Variants in KAT6B observed in about 807,000 individuals in gnomAD.
The protein encoded by KAT6B is lysine acetyltransferase 6B, also known as histone acetyltransferase KAT6B.
Under a neutral mutation model 187.5 loss-of-function variants are expected in KAT6B, and 10 were observed. That is an observed-to-expected ratio of 0.05 (90% CI 0.03 to 0.09). KAT6B has a LOEUF of 0.09. Among genes scored for constraint, KAT6B ranks in the 10% least tolerant of loss-of-function variants. The pLI is 1.00. For synonymous variants in KAT6B, 861 were observed against 926.8 expected (o/e 0.93, Z 1.29); for missense variants, 1,952 against 2,558.9 (o/e 0.76, Z 5.12).
intron 13 of KAT6B, among the ~76,000 whole-genome samples, chr10:75,000,610 T>C (rs1312923757): frequency 6.6e-6 from 1 of 152,134 alleles, no homozygotes; most frequent in Non-Finnish European, 1.5e-5. Context: ...GCCATTAATA[T>C]TAATTAATGG....
rs949515731 is a variant in KAT6B, at chr10:74,985,096, G to A, written c.2390G>A (p.Ser797Asn). ...TTTTGCTAGGTTGATGGGAATATGA[G>A]CAAAATTTATTGCCAAAACCTTTGC... ...LSVFEVDGNMSKIYCQNLCLL... is the reference protein window; with the variant it reads ...LSVFEVDGNMNKIYCQNLCLL... Residue 797 changes from serine to asparagine, a missense_variant, in exon 12 of 18, where the codon AGC becomes AAC. This residue lies in a region of KAT6B where 87 missense variants were observed against 191.8 expected (regional missense o/e 0.45). Coordinates refer to ENST00000287239, the MANE Select transcript of KAT6B (RefSeq NM_012330.4). 11 of 1,614,042 alleles carry A rather than the reference G, an allele frequency of 6.8e-6. No homozygotes were observed. The highest frequency in any genetic ancestry group is 1.1e-5 in the South Asian group (1 of 91,080).
Position 74,921,513 on chromosome 10 carries a change from A to G in KAT6B, c.622-38457A>G, listed in dbSNP as rs182306126. Among the ~76,000 whole-genome samples the G allele has an allele frequency of 5.8e-4, 89 of 152,226 alleles. 1 individual carries two copies. The East Asian group carries it at 0.013, about 21-fold the overall frequency. On this transcript the variant is annotated intron_variant, in intron 3 of 17. Transcript: ENST00000287239. ...GGCATCTATCAAGGCATTTGTTCTA[A>G]CCACTGAGTAAGAAGGACATCACTA... is the stretch of plus-strand genomic sequence containing the variant.
chr10:75,021,288 A>G lies in KAT6B; in HGVS notation c.3021+3A>G. The G allele has an allele frequency of 6.2e-7, 1 of 1,613,834 alleles. No homozygotes were observed. On this transcript the variant is annotated splice_donor_region_variant and intron_variant, in intron 15 of 17. Coordinates refer to ENST00000287239, the MANE Select transcript of KAT6B (RefSeq NM_012330.4). ...AAGAGCGAGAAGCTGAGAAAGAGGT[A>G]ATGATTGTCTTTATCATCCTAAGTT...
At chr10:74,923,874 A>G (rs1848311538) in intron 3 of KAT6B, among the ~76,000 whole-genome samples, 1 of 152,190 alleles carries the variant, frequency 6.6e-6, no homozygotes. Context: ...TGTGTTGAGA[A>G]TAAGCTGTAG....
intron 3 of KAT6B, among the ~76,000 whole-genome samples, chr10:74,877,219 G>A (rs962640420): frequency 2.0e-5 from 3 of 152,204 alleles, no homozygotes; most frequent in East Asian, 1.9e-4. Context: ...GCCCACCTCC[G>A]TCTCCCAAAG....
chr10:74,991,290 A>G (rs896905046), intron 13 of KAT6B, among the ~76,000 whole-genome samples: 3 of 152,160 alleles, frequency 2.0e-5, no homozygotes, highest in Non-Finnish European at 4.4e-5. Flanking sequence ...TTCCAAATTG[A>G]TATATGGTTG....
At position 74,843,014 on chromosome 10, in the gene KAT6B, C is replaced by T; in HGVS notation, c.157C>T (p.Leu53Phe). 1.2e-6 allele frequency: 2 copies of T among 1,614,192 alleles called. No individual in the cohort carries two copies. The highest frequency in any genetic ancestry group is 1.7e-6 in the Non-Finnish European group (2 of 1,180,030). Reference sequence around the variant, plus strand: ...GAAGACAGTCTCTGAACAGCTGGAACTCAGTGTTCAGGATGGCTCAGTTCT... The same window carrying T: ...GAAGACAGTCTCTGAACAGCTGGAATTCAGTGTTCAGGATGGCTCAGTTCT... ...DKKTVSEQLELSVQDGSVLKV... is the reference protein window; with the variant it reads ...DKKTVSEQLEFSVQDGSVLKV... The change falls in exon 3 of 18, where the codon CTC becomes TTC. Residue 53 changes from leucine (L) to phenylalanine (F), a missense_variant. Coordinates refer to ENST00000287239, the MANE Select transcript of KAT6B (RefSeq NM_012330.4).
intron 4 of KAT6B, among the ~76,000 whole-genome samples, chr10:74,962,976 A>G (rs560452728): frequency 1.3e-5 from 2 of 152,204 alleles, no homozygotes; most frequent in South Asian, 2.1e-4. Context: ...CTCTTCCGCC[A>G]CTTGCTGGGT....
chr10:74,896,254 A>G (rs16931813), intron 3 of KAT6B, among the ~76,000 whole-genome samples: 3,547 of 152,114 alleles, frequency 0.023, 138 homozygotes, highest in African/African-American at 0.08. Context: ...CTACCATAAT[A>G]TCTAGTCCAT....
chr10:74,891,159 C>T (rs548315747), intron 3 of KAT6B, among the ~76,000 whole-genome samples: 9 of 152,336 alleles, frequency 5.9e-5, no homozygotes, highest in Admixed American at 1.3e-4. Context: ...GGAATGGCTT[C>T]TTTATTCCTG....
At chr10:75,021,396 T>A (rs1263928284) in intron 15 of KAT6B, 111 bp downstream of exon 15, 2 of 1,011,652 alleles carry the variant, frequency 2.0e-6, no homozygotes, top group East Asian at 2.5e-5. Flanking sequence ...AGAGATAGCA[T>A]GTGAAATGAT....
chr10:74,856,776 C>T (rs1397708777), intron 3 of KAT6B, among the ~76,000 whole-genome samples: 1 of 152,062 alleles, frequency 6.6e-6, no homozygotes, highest in Non-Finnish European at 1.5e-5. Context: ...TGGCATGTGC[C>T]TGTAGTCCCA....
rs200393557 is a variant in KAT6B, at chr10:75,029,334, G to A, written c.4510G>A (p.Glu1504Lys). ...GDPEAVPESD[E>K]EPPPGEQAQK... ...CCCTGAAGCTGTACCCGAATCTGAC[G>A]AGGAGCCACCCCCAGGAGAACAGGC... Residue 1504 changes from glutamate to lysine, a missense_variant, in exon 18 of 18, where the codon GAG becomes AAG. Around this residue, in one of 9 missense-constraint regions of KAT6B, gnomAD observed 758 missense variants for 891.4 expected, o/e 0.85. Transcript: ENST00000287239. This position sits in a 1 kb window ranked among gnomAD's most constrained non-coding sequence, Gnocchi z 6.2. The A allele has an allele frequency of 8.6e-5, 139 of 1,613,940 alleles. No individual in the cohort carries two copies. Among genetic ancestry groups the A allele is most frequent in the Admixed American group, 3.5e-4 (21 of 59,988 alleles).
At chr10:74,863,855 C>G (rs761261683) in intron 3 of KAT6B, among the ~76,000 whole-genome samples, 3 of 152,114 alleles carry the variant, frequency 2.0e-5, no homozygotes, top group East Asian at 3.9e-4. Flanking sequence ...AATATTCTTA[C>G]GCTGTTGTTT....
In KAT6B at chr10:74,970,021, A is replaced by G; in HGVS notation, c.848A>G (p.Asp283Gly). The change falls in exon 6 of 18, where the codon GAT (aspartate) becomes GGT (glycine). Residue 283 changes from aspartate to glycine, a missense_variant and splice_region_variant. Asp to Gly is a moderately conservative substitution (Grantham distance 94, BLOSUM62 -1). Coordinates refer to ENST00000287239, the MANE Select transcript of KAT6B (RefSeq NM_012330.4). ...AGTCTCTAATATGTTATATTACAGG[A>G]TAATATGCTTTTTTGTGATTCCTGT... is the stretch of plus-strand genomic sequence containing the variant. ...SACRVQGRNA[D>G]NMLFCDSCDR... 1 of 1,599,872 alleles carries G rather than the reference A, an allele frequency of 6.3e-7. No individual in the cohort carries two copies. The highest frequency in any genetic ancestry group is 8.6e-7 in the Non-Finnish European group (1 of 1,167,164).
chr10:75,021,338 C>G, intron 15 of KAT6B, 53 bp downstream of exon 15: 4 of 1,582,336 alleles, frequency 2.5e-6, no homozygotes, highest in Non-Finnish European at 3.5e-6. Context: ...TTGTAGCATT[C>G]TTAAGCTAAG....
At chr10:74,980,363 C>T (rs1842430653) in intron 10 of KAT6B, among the ~76,000 whole-genome samples, 1 of 152,060 alleles carries the variant, frequency 6.6e-6, no homozygotes, top group Non-Finnish European at 1.5e-5. Context: ...ACTTGATTTT[C>T]TTATAGAATA....
intron 3 of KAT6B, among the ~76,000 whole-genome samples, chr10:74,883,988 C>T (rs1429904023): frequency 1.3e-5 from 2 of 152,162 alleles, no homozygotes; most frequent in African/African-American, 4.8e-5. Flanking sequence ...TTTTCTCTAA[C>T]TCCCTTATGG....
chr10:74,887,378 A>G (rs1431788018), intron 3 of KAT6B, among the ~76,000 whole-genome samples: 7 of 152,122 alleles, frequency 4.6e-5, no homozygotes, highest in Admixed American at 4.6e-4. Flanking sequence ...CTCAGGCTGG[A>G]GTGTAGTGGC....
Sources: gnomAD v4.1 joint callset for allele counts (sites outside exome capture counted in the v4.1 genomes callset) on GRCh38, gnomAD v4.1.1 for gene constraint, gnomAD v4.1.1 regional missense constraint, Gnocchi (gnomAD v3.1) non-coding constraint, MANE v1.5 for transcripts, NCBI Gene and HGNC (gene_info 2026-07-23, HGNC 2026-07-21) for gene names.